STAU2: variants seen among roughly 807,000 people sequenced by gnomAD.
STAU2 encodes double-stranded RNA-binding protein Staufen homolog 2.
A neutral mutation model predicts 65.9 loss-of-function variants in STAU2; 20 were observed. The observed-to-expected ratio is 0.30, with a 90% CI of 0.21 to 0.44. STAU2 has a LOEUF of 0.44. STAU2 is among the 20% of genes least tolerant of loss of function. The pLI is 1.00. For synonymous variants in STAU2, 232 were observed against 233.9 expected, an observed-to-expected ratio of 0.99 and a Z score of 0.07; for missense variants, 558 against 683.9, an observed-to-expected ratio of 0.82 and a Z score of 2.05.
At chr8:73,716,727 G>A (rs1481764257) in intron 3 of STAU2, among the ~76,000 whole-genome samples, 1 of 151,948 alleles carries the variant, frequency 6.6e-6, no homozygotes, top group Non-Finnish European at 1.5e-5. Flanking sequence ...TTTTACTTTT[G>A]ATTTTTTTTT....
chr8:73,504,948 T>C (rs1821978260), intron 13 of STAU2, among the ~76,000 whole-genome samples: 1 of 152,130 alleles, frequency 6.6e-6, no homozygotes, highest in South Asian at 2.1e-4. Context: ...TTTCCAGTTA[T>C]TTTCTATCCC....
At chr8:73,735,635 A>G (rs1806380240) in intron 3 of STAU2, among the ~76,000 whole-genome samples, 1 of 152,246 alleles carries the variant, frequency 6.6e-6, no homozygotes, top group South Asian at 2.1e-4. Context: ...AAACACTTCC[A>G]GTGCCAAGCA....
At chr8:73,457,064 T>C (rs1029509330) in intron 13 of STAU2, among the ~76,000 whole-genome samples, 1 of 152,258 alleles carries the variant, frequency 6.6e-6, no homozygotes, top group African/African-American at 2.4e-5. Context: ...GGACATATTA[T>C]ATCCATAAAT....
At chr8:73,691,573 C>A (rs1242868678) in intron 4 of STAU2, among the ~76,000 whole-genome samples, 2 of 151,958 alleles carry the variant, frequency 1.3e-5, no homozygotes, top group African/African-American at 4.8e-5. Flanking sequence ...TCAGACCTGG[C>A]CTCCTCTCTT....
At chr8:73,593,220 T>C (rs1810950436) in intron 11 of STAU2, among the ~76,000 whole-genome samples, 1 of 152,192 alleles carries the variant, frequency 6.6e-6, no homozygotes, top group South Asian at 2.1e-4. Context: ...TTGGTTTCAC[T>C]CTGCTCAAAT....
At chr8:73,473,663 G>A (rs1293542471) in intron 13 of STAU2, among the ~76,000 whole-genome samples, 1 of 152,204 alleles carries the variant, frequency 6.6e-6, no homozygotes, top group Non-Finnish European at 1.5e-5. Flanking sequence ...GAAACGGCCA[G>A]AGGCTTGGAT....
chr8:73,452,107 C>G (rs1041715041), intron 13 of STAU2, among the ~76,000 whole-genome samples: 1 of 152,238 alleles, frequency 6.6e-6, no homozygotes, highest in Non-Finnish European at 1.5e-5. Flanking sequence ...CCGCCCTAGA[C>G]AGACAGCTCC....
chr8:73,742,141 C>T (rs570875116), intron 1 of STAU2: 36 of 903,228 alleles, frequency 4.0e-5, no homozygotes, highest in Middle Eastern at 1.1e-3. Flanking sequence ...TTTAAAGACA[C>T]GCCCAGTCTA....
At chr8:73,548,006 A>G (rs1017925474) in intron 13 of STAU2, among the ~76,000 whole-genome samples, 1 of 75,614 alleles carries the variant, frequency 1.3e-5, no homozygotes, top group Non-Finnish European at 4.0e-5. Context: ...GATTTAAAGT[A>G]TAAGGGAGGA....
At chr8:73,480,648 G>C (rs1408556887) in intron 13 of STAU2, among the ~76,000 whole-genome samples, 3 of 152,146 alleles carry the variant, frequency 2.0e-5, no homozygotes, top group Non-Finnish European at 4.4e-5. Flanking sequence ...ATTTGCAGCT[G>C]ATCACAGGTA....
intron 13 of STAU2, among the ~76,000 whole-genome samples, chr8:73,511,995 C>G (rs1162063635): frequency 6.6e-6 from 1 of 152,070 alleles, no homozygotes; most frequent in Non-Finnish European, 1.5e-5. Context: ...TCCCAGTACC[C>G]TCTGTTGAAA....
At chr8:73,673,394 T>TA (rs1817822902) in intron 5 of STAU2, 152 bp from the exon 6 acceptor site, 1 of 794,520 alleles carries the variant, frequency 1.3e-6, no homozygotes, top group Admixed American at 3.9e-5. Flanking sequence ...GAAAACAAAG[T>TA]AAAAAACCAA....
intron 13 of STAU2, among the ~76,000 whole-genome samples, chr8:73,449,138 G>A (rs749433536): frequency 1.3e-5 from 2 of 152,266 alleles, no homozygotes; most frequent in Non-Finnish European, 2.9e-5. Context: ...TCCCCGCAGT[G>A]GGAGGGCGGC....
At chr8:73,653,791 T>G (rs1266207040) in intron 6 of STAU2, 4 of 347,738 alleles carry the variant, frequency 1.2e-5, no homozygotes, top group Non-Finnish European at 2.2e-5. Flanking sequence ...TCATGACACC[T>G]TTAGGAGTCT....
At chr8:73,658,530 T>C (rs969753232) in intron 6 of STAU2, among the ~76,000 whole-genome samples, 8 of 152,222 alleles carry the variant, frequency 5.3e-5, no homozygotes, top group Admixed American at 4.6e-4. Context: ...TTAGACACAA[T>C]ATTACATTTC....
chr8:73,430,781 A>T (rs1412088684), intron 13 of STAU2, among the ~76,000 whole-genome samples: 2 of 152,260 alleles, frequency 1.3e-5, no homozygotes, highest in Non-Finnish European at 2.9e-5. Flanking sequence ...CTAACAGAAT[A>T]AATTGTTAAC....
At chr8:73,563,007 T>A (rs1332498768) in intron 12 of STAU2, among the ~76,000 whole-genome samples, 1 of 152,086 alleles carries the variant, frequency 6.6e-6, no homozygotes, top group Non-Finnish European at 1.5e-5. Context: ...TAAATTTTCT[T>A]GTAAAAATAA....
intron 3 of STAU2, among the ~76,000 whole-genome samples, chr8:73,723,095 C>A (rs917225663): frequency 6.6e-6 from 1 of 151,820 alleles, no homozygotes; most frequent in Admixed American, 6.6e-5. Context: ...AGAGTGCGTG[C>A]GTGCCCACAC....
chr8:73,429,378 A>G (rs1237000315), intron 13 of STAU2, among the ~76,000 whole-genome samples: 10 of 142,132 alleles, frequency 7.0e-5, no homozygotes, highest in African/African-American at 2.6e-4. Context: ...GTGGCAGAGC[A>G]GAGATTTGAA....
Sources: allele counts gnomAD v4.1 joint callset (sites outside exome capture counted in the v4.1 genomes callset), GRCh38; gene constraint gnomAD v4.1.1; transcripts MANE v1.5; gene names NCBI Gene and HGNC (gene_info 2026-07-23, HGNC 2026-07-21).